CSMD1: variants seen among roughly 807,000 people sequenced by gnomAD.
CSMD1 encodes CUB and Sushi multiple domains 1, also known as CUB and sushi domain-containing protein 1.
A neutral mutation model predicts 417.5 loss-of-function variants in CSMD1; 213 were observed. The observed-to-expected ratio is 0.51, with a 90% CI of 0.46 to 0.57. The LOEUF (loss-of-function observed/expected upper bound fraction) is 0.57, where lower values mean the gene tolerates loss of function less well. Among genes scored for constraint, CSMD1 ranks in the 20% least tolerant of loss-of-function variants. CSMD1 has a pLI of 0.00. For missense variants in CSMD1, 6,923 were observed against 4,529.7 expected, an observed-to-expected ratio of 1.53 and a Z score of -15.17; for synonymous variants, 2,862 against 1,736.8, an observed-to-expected ratio of 1.65 and a Z score of -16.11.
Position 3,409,567 on chromosome 8 carries a change from C to A in CSMD1, c.1600G>T (p.Ala534Ser), listed in dbSNP as rs377751107. ...CTGCTGCCCGTCCGCTTCCCATAGG[C>A]GGGGATTCCAGGATCCCCACACCCT... is the stretch of plus-strand genomic sequence containing the variant. The part of the protein sequence containing the change: ...KGGCGDPGIP[A>S]YGKRTGSSFL... The change falls in exon 13 of 70, where the codon GCC (alanine) becomes TCC (serine). Residue 534 changes from alanine (A) to serine (S), a missense_variant. Transcript: ENST00000635120. The A allele has an allele frequency of 5.0e-6, 8 of 1,608,816 alleles. No homozygotes were observed. The highest frequency in any genetic ancestry group is 3.4e-5 in the Admixed American group (2 of 59,510).
intron 33 of CSMD1, among the ~76,000 whole-genome samples, chr8:3,197,282 T>G (rs7823098): frequency 2.6e-5 from 4 of 151,884 alleles, no homozygotes; most frequent in Admixed American, 2.6e-4. Flanking sequence ...TTTTTCACTG[T>G]AGACCCCAGC....
At chr8:4,035,727 T>C (rs1797582100) in intron 3 of CSMD1, among the ~76,000 whole-genome samples, 1 of 152,136 alleles carries the variant, frequency 6.6e-6, no homozygotes, top group Admixed American at 6.5e-5. Flanking sequence ...TACGGAAGAG[T>C]CAAATGCTTA....
intron 26 of CSMD1, among the ~76,000 whole-genome samples, chr8:3,266,979 GACAA>G (rs1270401900): frequency 6.6e-6 from 1 of 152,134 alleles, no homozygotes; most frequent in Non-Finnish European, 1.5e-5. Flanking sequence ...AAAAGGAGAA[GACAA>G]ACAAGCTGAC....
intron 1 of CSMD1, among the ~76,000 whole-genome samples, chr8:4,955,456 C>CT (rs373701682): frequency 2.0e-3 from 297 of 145,290 alleles, no homozygotes; most frequent in Middle Eastern, 7.1e-3. Flanking sequence ...TCTCACCTCT[C>CT]TTTTTTTTTT....
Position 3,710,249 on chromosome 8 carries a change from A to G in CSMD1, c.932-1758T>C, listed in dbSNP as rs539668638. 3.3e-5 allele frequency among the ~76,000 whole-genome samples: 5 copies of G among 152,292 alleles called. No homozygotes were observed. The South Asian group carries it at 1.0e-3, about 32-fold the overall frequency. On this transcript the variant is annotated intron_variant, in intron 6 of 69. Coordinates refer to ENST00000635120, the MANE Select transcript of CSMD1 (RefSeq NM_033225.6). ...ACAGAGTCTAAAAATAAGTGGATCC[A>G]TGCAGTTTAAACCTATGCTGCTCAA...
chr8:3,653,602 C>T (rs1797964686), intron 7 of CSMD1, among the ~76,000 whole-genome samples: 2 of 152,156 alleles, frequency 1.3e-5, no homozygotes, highest in Non-Finnish European at 2.9e-5. Flanking sequence ...AGCCACCCTG[C>T]CTGGCCAGTT....
intron 23 of CSMD1, among the ~76,000 whole-genome samples, chr8:3,315,471 A>ACTAT (rs1359909488): frequency 2.1e-5 from 2 of 96,658 alleles, no homozygotes; most frequent in East Asian, 2.2e-4. Flanking sequence ...TGATTTTTAA[A>ACTAT]CTATCTTTTA....
chr8:4,804,893 G>T (rs1011968742), intron 1 of CSMD1, among the ~76,000 whole-genome samples: 1 of 152,082 alleles, frequency 6.6e-6, no homozygotes, highest in African/African-American at 2.4e-5. Flanking sequence ...CTCTACATAT[G>T]CTTCCCTAAT....
intron 10 of CSMD1, among the ~76,000 whole-genome samples, chr8:3,524,310 CAT>C (rs1328693197): frequency 1.3e-5 from 2 of 151,450 alleles, no homozygotes; most frequent in African/African-American, 4.9e-5. Context: ...CACTCAGAGA[CAT>C]ATGCACACAT....
intron 2 of CSMD1, among the ~76,000 whole-genome samples, chr8:4,556,649 A>G (rs1386417742): frequency 2.0e-5 from 3 of 152,248 alleles, no homozygotes; most frequent in Non-Finnish European, 2.9e-5. Flanking sequence ...TTAATAGGAT[A>G]GTGATAGTGC....
chr8:3,381,867 A>T (rs1017910881), intron 18 of CSMD1, among the ~76,000 whole-genome samples: 21 of 152,180 alleles, frequency 1.4e-4, no homozygotes, highest in African/African-American at 5.1e-4. Context: ...GTCAATTTCT[A>T]TGCAATTCTG....
chr8:2,973,150 C>T lies in CSMD1; in HGVS notation c.8890G>A (p.Gly2964Arg), dbSNP rs187916941. 1 of 1,613,782 alleles carries T rather than the reference C, an allele frequency of 6.2e-7. No individual in the cohort carries two copies. Among genetic ancestry groups the T allele is most frequent in the Admixed American group, 1.7e-5 (1 of 60,020 alleles). The change falls in exon 57 of 70, where the codon GGG (glycine) becomes AGG (arginine). Residue 2964 changes from glycine to arginine, a missense_variant. Coordinates refer to ENST00000635120, the MANE Select transcript of CSMD1 (RefSeq NM_033225.6). ...ACCGGCTGCAGTCCTGACCATGACC[C>T]ATTGAGCAAACACGTGCGTTCAGGG... ...GSPERTCLLN[G>R]SWSGLQPVCE...
intron 1 of CSMD1, among the ~76,000 whole-genome samples, chr8:4,942,399 G>A (rs1808066531): frequency 6.6e-6 from 1 of 152,052 alleles, no homozygotes; most frequent in African/African-American, 2.4e-5. Flanking sequence ...CTCTTATCAT[G>A]TTGTACTGGA....
intron 3 of CSMD1, among the ~76,000 whole-genome samples, chr8:4,371,854 A>C (rs1040645058): frequency 3.3e-5 from 5 of 152,226 alleles, no homozygotes; most frequent in East Asian, 1.9e-4. Flanking sequence ...GAATTGATCA[A>C]AATAAATATT....
At chr8:4,319,494 C>T (rs1205537367) in intron 3 of CSMD1, among the ~76,000 whole-genome samples, 2 of 152,034 alleles carry the variant, frequency 1.3e-5, no homozygotes, top group East Asian at 1.9e-4. Context: ...TAGCAGGGAC[C>T]AGATTTACTC....
At chr8:4,051,109 G>A (rs545043749) in intron 3 of CSMD1, among the ~76,000 whole-genome samples, 1 of 151,728 alleles carries the variant, frequency 6.6e-6, no homozygotes, top group African/African-American at 2.4e-5. Context: ...TTGAAAGGGA[G>A]AACCAGGAAA....
chr8:3,319,027 A>G (rs1412348610), intron 23 of CSMD1, among the ~76,000 whole-genome samples: 2 of 152,070 alleles, frequency 1.3e-5, no homozygotes, highest in Non-Finnish European at 2.9e-5. Context: ...CCTATGGATC[A>G]CTCCCTTACA....
chr8:3,165,809 G>A (rs937034162), intron 37 of CSMD1, among the ~76,000 whole-genome samples: 7 of 152,098 alleles, frequency 4.6e-5, no homozygotes, highest in Admixed American at 2.0e-4. Context: ...GGGCAAGAGT[G>A]GAGCACAGGA....
At chr8:3,345,649 T>G (rs12546513) in intron 22 of CSMD1, among the ~76,000 whole-genome samples, 2 of 152,060 alleles carry the variant, frequency 1.3e-5, no homozygotes, top group Non-Finnish European at 2.9e-5. Context: ...TTAGAGAAAG[T>G]CTTTGGGATT....
Sources: gnomAD v4.1 joint callset for allele counts (sites outside exome capture counted in the v4.1 genomes callset) on GRCh38, gnomAD v4.1.1 for gene constraint, MANE v1.5 for transcripts, NCBI Gene and HGNC (gene_info 2026-07-23, HGNC 2026-07-21) for gene names.